VPS13D: variants seen among roughly 807,000 people sequenced by gnomAD.
The protein encoded by VPS13D is intermembrane lipid transfer protein VPS13D.
Under a neutral mutation model 461.9 loss-of-function variants are expected in VPS13D, and 187 were observed. The observed-to-expected ratio is 0.40, with a 90% CI of 0.36 to 0.46. VPS13D has a LOEUF of 0.46. VPS13D is among the 20% of genes least tolerant of loss of function. The pLI is 0.60. For missense variants in VPS13D, 4,711 were observed against 5,364.9 expected (o/e 0.88, Z 3.81); for synonymous variants, 1,951 against 1,986.3 (o/e 0.98, Z 0.47).
intron 67 of VPS13D, among the ~76,000 whole-genome samples, chr1:12,496,906 G>A (rs1017185799): frequency 6.6e-6 from 1 of 151,118 alleles, no homozygotes; most frequent in Non-Finnish European, 1.5e-5. Context: ...GGTCCAGGGG[G>A]CATTCTTCCC....
rs757197850 is a variant in VPS13D, at chr1:12,338,284, G to C, written c.8605G>C (p.Glu2869Gln). The C allele has an allele frequency of 6.2e-7, 1 of 1,613,720 alleles. No homozygotes were observed. Among genetic ancestry groups the C allele is most frequent in the East Asian group, 2.2e-5 (1 of 44,864 alleles). Residue 2869 changes from glutamate to glutamine, a missense_variant, in exon 40 of 70, where the codon GAG becomes CAG. Coordinates refer to ENST00000620676, the MANE Select transcript of VPS13D (RefSeq NM_015378.4). ...TRSTASLTNL[E>Q]HQIYARAEVK... ...GAGTACAGCCAGTCTGACTAACCTA[G>C]AGCACCAGATCTATGCTAGAGGTAC...
chr1:12,300,537 C>T (rs753226926), intron 25 of VPS13D, among the ~76,000 whole-genome samples: 18 of 152,084 alleles, frequency 1.2e-4, no homozygotes, highest in Non-Finnish European at 1.5e-4. Flanking sequence ...TGCATTAATT[C>T]GCTTAGGATT....
At chr1:12,390,598 C>T (rs1229507470) in intron 60 of VPS13D, among the ~76,000 whole-genome samples, 7 of 152,216 alleles carry the variant, frequency 4.6e-5, no homozygotes, top group Non-Finnish European at 8.8e-5. Flanking sequence ...CTGGAGTAAG[C>T]GTCTATTCCA....
chr1:12,253,888 C>A, intron 7 of VPS13D, 62 bp downstream of exon 7: 1 of 1,337,908 alleles, frequency 7.5e-7, no homozygotes, highest in Non-Finnish European at 1.1e-6. Flanking sequence ...CGTAGGGTCA[C>A]TGCCACGGGG....
rs1645323046 is a variant in VPS13D, at chr1:12,456,097, C to A, written c.12433C>A (p.His4145Asn). ...IRYHAATSGE[H>N]LVAGIHGLAH... Reference sequence around the variant, plus strand: ...GTACCATGCAGCCACAAGTGGTGAACACCTTGTAGCCGGCATCCATGGCCT... The same window carrying A: ...GTACCATGCAGCCACAAGTGGTGAAAACCTTGTAGCCGGCATCCATGGCCT... Residue 4145 changes from histidine to asparagine, a missense_variant, in exon 66 of 70, where the codon CAC becomes AAC. Around this residue, in one of 3 missense-constraint regions of VPS13D, gnomAD observed 106 missense variants for 206.2 expected, o/e 0.51. Transcript: ENST00000620676. 6.2e-7 allele frequency: 1 copy of A among 1,613,574 alleles called. No individual in the cohort carries two copies. The highest frequency in any genetic ancestry group is 8.5e-7 in the Non-Finnish European group (1 of 1,179,804).
chr1:12,461,919 CCA>C lies in VPS13D; in HGVS notation c.12662+1526_12662+1527del, dbSNP rs143928264. Among the ~76,000 whole-genome samples the C allele has an allele frequency of 6.7e-3, 1,016 of 152,260 alleles. 10 individuals carry two copies. The highest frequency in any genetic ancestry group is 0.022 in the African/African-American group (928 of 41,542). ...CTTTTTAGGAGCACAAGTAATGTAG[CCA>C]CAGTCACTGCAGAAAGAATGTCTTT... On this transcript the variant is annotated intron_variant, in intron 67 of 69. Coordinates refer to ENST00000620676, the MANE Select transcript of VPS13D (RefSeq NM_015378.4).
Position 12,382,992 on chromosome 1 carries a change from C to A in VPS13D, c.11207C>A (p.Ser3736Tyr), listed in dbSNP as rs1175795356. Residue 3736 changes from serine (S) to tyrosine (Y), a missense_variant, in exon 58 of 70, where the codon TCT (serine) becomes TAT (tyrosine). Around this residue, in one of 3 missense-constraint regions of VPS13D, gnomAD observed 4,411 missense variants for 4,937.8 expected, o/e 0.89. Coordinates refer to ENST00000620676, the MANE Select transcript of VPS13D (RefSeq NM_015378.4). ...GLVVQAKGGLSGLFDGAEVVL... is the reference protein window; with the variant it reads ...GLVVQAKGGLYGLFDGAEVVL... ...GTCTTTTAGGCCAAAGGAGGACTTT[C>A]TGGTTTGTTTGATGGAGCTGAAGTT... is the stretch of plus-strand genomic sequence containing the variant. 6.2e-7 allele frequency: 1 copy of A among 1,613,770 alleles called. No individual in the cohort carries two copies. Among genetic ancestry groups the A allele is most frequent in the Non-Finnish European group, 8.5e-7 (1 of 1,179,896 alleles).
At chr1:12,247,940 TGCA>T (rs1233147794) in intron 5 of VPS13D, among the ~76,000 whole-genome samples, 1 of 151,510 alleles carries the variant, frequency 6.6e-6, no homozygotes, top group Non-Finnish European at 1.5e-5. Context: ...TGGAGTGCAG[TGCA>T]GTGGCGTGAT....
At chr1:12,257,621 A>T (rs1198606694) in intron 9 of VPS13D, among the ~76,000 whole-genome samples, 1 of 152,208 alleles carries the variant, frequency 6.6e-6, no homozygotes, top group Non-Finnish European at 1.5e-5. Flanking sequence ...CTCGGTAATT[A>T]TCTTAAGATG....
rs116090472 is a variant in VPS13D, at chr1:12,280,746, C to A, written c.4602+1096C>A. On this transcript the variant is annotated intron_variant, in intron 20 of 69. Transcript: ENST00000620676. ...TCAAGTGATCCTCCTGCCTTGGCCC[C>A]CGAAAGTGCTGGGATTACAGGTGTG... Among the ~76,000 whole-genome samples, 822 of 152,188 alleles carry A rather than the reference C, an allele frequency of 5.4e-3. 7 individuals carry two copies. The highest frequency in any genetic ancestry group is 0.018 in the African/African-American group (747 of 41,532).
In VPS13D at chr1:12,282,936, G is replaced by A. The variant is rs767781372; in HGVS notation, c.4834G>A (p.Val1612Ile). ...TCAGAAGTCATTGTCAGTGAAGGAA[G>A]TCAAATCCTTTACTCAGATTCAAGC... ...TSQKSLSVKEVKSFTQIQATF... is the reference protein window; with the variant it reads ...TSQKSLSVKEIKSFTQIQATF... The change falls in exon 21 of 70, where the codon GTC becomes ATC. Residue 1612 changes from valine (V) to isoleucine (I), a missense_variant. This residue lies in a region of VPS13D where 4,411 missense variants were observed against 4,937.8 expected (regional missense o/e 0.89). Coordinates refer to ENST00000620676, the MANE Select transcript of VPS13D (RefSeq NM_015378.4). 4 of 1,614,074 alleles carry A rather than the reference G, an allele frequency of 2.5e-6. No individual in the cohort carries two copies. Among genetic ancestry groups the A allele is most frequent in the African/African-American group, 2.7e-5 (2 of 74,934 alleles).
intron 35 of VPS13D, among the ~76,000 whole-genome samples, chr1:12,324,855 T>C (rs1167469016): frequency 6.6e-6 from 1 of 152,344 alleles, no homozygotes; most frequent in Non-Finnish European, 1.5e-5. Context: ...AGGCAGACAT[T>C]ATTATTCCCA....
At chr1:12,406,284 C>G (rs1214316031) in intron 63 of VPS13D, among the ~76,000 whole-genome samples, 2 of 152,102 alleles carry the variant, frequency 1.3e-5, no homozygotes, top group African/African-American at 4.8e-5. Flanking sequence ...AAAGAGTTTT[C>G]TAACAGAGTA....
chr1:12,461,241 G>A (rs907476381), intron 67 of VPS13D, among the ~76,000 whole-genome samples: 2 of 152,144 alleles, frequency 1.3e-5, no homozygotes, highest in Non-Finnish European at 2.9e-5. Context: ...GAATTAGTAC[G>A]CCCTTTTAGA....
chr1:12,283,066 G>T lies in VPS13D; in HGVS notation c.4964G>T (p.Ser1655Ile). Residue 1655 changes from serine (S) to isoleucine (I), a missense_variant, in exon 21 of 70, where the codon AGT (serine) becomes ATT (isoleucine). By Grantham distance (142) the Ser-to-Ile change is moderately radical. This residue lies in a region of VPS13D where 4,411 missense variants were observed against 4,937.8 expected (regional missense o/e 0.89). Transcript: ENST00000620676. Reference sequence around the variant, plus strand: ...TTTCAGGACTTTGAGGTGGAATTCAGTAAAGACCATCCCCAGACTTTATCT... The same window carrying T: ...TTTCAGGACTTTGAGGTGGAATTCATTAAAGACCATCCCCAGACTTTATCT... Reference protein sequence around the residue: ...LKFQDFEVEFSKDHPQTLSIQ... With the variant: ...LKFQDFEVEFIKDHPQTLSIQ... 2 of 1,614,170 alleles carry T rather than the reference G, an allele frequency of 1.2e-6. No individual in the cohort carries two copies. The highest frequency in any genetic ancestry group is 8.5e-7 in the Non-Finnish European group (1 of 1,180,036).
At chr1:12,430,983 A>G (rs1419350737) in intron 65 of VPS13D, among the ~76,000 whole-genome samples, 2 of 152,254 alleles carry the variant, frequency 1.3e-5, no homozygotes, top group Non-Finnish European at 2.9e-5. Flanking sequence ...GCCTCAACAA[A>G]TAAATTATAT....
At chr1:12,442,099 T>C (rs907477730) in intron 65 of VPS13D, among the ~76,000 whole-genome samples, 6 of 152,326 alleles carry the variant, frequency 3.9e-5, no homozygotes, top group African/African-American at 1.4e-4. Flanking sequence ...ACTTTCTGAG[T>C]TTAATTTTAA....
intron 3 of VPS13D, among the ~76,000 whole-genome samples, chr1:12,243,502 C>A (rs1469329932): frequency 6.6e-6 from 1 of 152,008 alleles, no homozygotes; most frequent in Non-Finnish European, 1.5e-5. Flanking sequence ...TTAAAAATAC[C>A]ATTGTTGGAC....
chr1:12,499,197 T>C (rs1349376606), intron 68 of VPS13D, among the ~76,000 whole-genome samples: 2 of 152,086 alleles, frequency 1.3e-5, no homozygotes, highest in African/African-American at 2.4e-5. Flanking sequence ...TCTACTACAA[T>C]GGCAGCCCTG....
Sources: allele counts gnomAD v4.1 joint callset (sites outside exome capture counted in the v4.1 genomes callset), GRCh38; gene constraint gnomAD v4.1.1; regional missense constraint gnomAD v4.1.1; transcripts MANE v1.5; gene names NCBI Gene and HGNC (gene_info 2026-07-23, HGNC 2026-07-21).